LRP1B: variants seen among roughly 807,000 people sequenced by gnomAD.
LRP1B encodes the protein LDL receptor related protein 1B, also known as low-density lipoprotein receptor-related protein 1B.
Under a neutral mutation model 556.6 loss-of-function variants are expected in LRP1B, and 217 were observed. The observed-to-expected ratio is 0.39, with a 90% CI of 0.35 to 0.44. The LOEUF is 0.44. LRP1B is among the 20% of genes least tolerant of loss of function. The pLI is 1.00. For synonymous variants in LRP1B, 2,047 were observed against 1,865.8 expected, an observed-to-expected ratio of 1.10 and a Z score of -2.50; for missense variants, 5,053 against 5,620.8, an observed-to-expected ratio of 0.90 and a Z score of 3.23.
At position 140,393,876 on chromosome 2, in the gene LRP1B, G is replaced by A. The variant is rs905846109; in HGVS notation, c.10415-7867C>T. ...GATTAACCATCTCTTAACTATCAAA[G>A]CATGACCTTTTATAGAGAAGTCATT... On this transcript the variant is annotated intron_variant, in intron 66 of 90. Coordinates refer to ENST00000389484, the MANE Select transcript of LRP1B (RefSeq NM_018557.3). Among the ~76,000 whole-genome samples, 9 of 152,066 alleles carry A rather than the reference G, an allele frequency of 5.9e-5. 1 individual carries two copies. Among genetic ancestry groups the A allele is most frequent in the African/African-American group, 2.2e-4 (9 of 41,436 alleles).
chr2:140,766,457 A>C (rs2104927184), intron 35 of LRP1B, among the ~76,000 whole-genome samples: 1 of 152,202 alleles, frequency 6.6e-6, no homozygotes, highest in Middle Eastern at 3.4e-3. Flanking sequence ...AACACAAGTT[A>C]TGCAAAAAGG....
chr2:141,815,976 C>A (rs568040657), intron 1 of LRP1B, among the ~76,000 whole-genome samples: 1 of 152,090 alleles, frequency 6.6e-6, no homozygotes, highest in African/African-American at 2.4e-5. Flanking sequence ...GGAAAGGAAT[C>A]AACTAAGAAT....
chr2:140,492,583 C>T lies in LRP1B; in HGVS notation c.9120+25G>A, dbSNP rs202101689. 4.6e-4 allele frequency: 707 copies of T among 1,528,652 alleles called. 7 individuals are homozygous for T. The Admixed American group carries it at 0.011, about 23-fold the overall frequency. 94.7% of individuals were successfully genotyped at this position (1,528,652 alleles called of 1,614,324 possible). A position where few individuals can be genotyped will look rare whatever the true frequency, so the allele number is the denominator to read the frequency against. ...TACCTAGTGCACATGTTAAATGTTA[C>T]GGTGTCATCTTGGGAGTGTCATACC... On this transcript the variant is annotated intron_variant, in intron 57 of 90. Coordinates refer to ENST00000389484, the MANE Select transcript of LRP1B (RefSeq NM_018557.3).
At chr2:141,039,541 C>T (rs1698635903) in intron 11 of LRP1B, among the ~76,000 whole-genome samples, 1 of 151,972 alleles carries the variant, frequency 6.6e-6, no homozygotes, top group South Asian at 2.1e-4. Context: ...GTATTTTCAC[C>T]TTCTCTCTTT....
chr2:141,251,227 C>G (rs1203135214), intron 4 of LRP1B, among the ~76,000 whole-genome samples: 1 of 152,102 alleles, frequency 6.6e-6, no homozygotes, highest in Admixed American at 6.6e-5. Context: ...AAGCCTCTAA[C>G]AGTCCTTTGA....
intron 2 of LRP1B, among the ~76,000 whole-genome samples, chr2:141,499,693 A>G (rs1435040891): frequency 6.6e-6 from 1 of 152,092 alleles, no homozygotes; most frequent in Non-Finnish European, 1.5e-5. Flanking sequence ...ATGGAATATT[A>G]AAGTATGACA....
rs559433392 is a variant in LRP1B, at chr2:140,798,683, C to A, written c.5359+14974G>T. ...TGCCTTGTAGGATATTTACCAGCATCATATTGTCAACCTGCTAGATGACAG... is the reference window on the plus strand; with the variant it reads ...TGCCTTGTAGGATATTTACCAGCATAATATTGTCAACCTGCTAGATGACAG... On this transcript the variant is annotated intron_variant, in intron 32 of 90. Transcript: ENST00000389484. Among the ~76,000 whole-genome samples the A allele has an allele frequency of 1.2e-4, 18 of 152,304 alleles. No homozygotes were observed. In the South Asian group the frequency reaches 2.9e-3, roughly 25 times the overall value.
intron 41 of LRP1B, among the ~76,000 whole-genome samples, chr2:140,667,891 G>C (rs963159152): frequency 6.6e-6 from 1 of 152,122 alleles, no homozygotes; most frequent in Non-Finnish European, 1.5e-5. Context: ...ATCATACTGT[G>C]TTCTTTTGGG....
At chr2:142,089,533 G>A (rs940801534) in intron 1 of LRP1B, among the ~76,000 whole-genome samples, 2 of 152,256 alleles carry the variant, frequency 1.3e-5, no homozygotes, top group African/African-American at 4.8e-5. Flanking sequence ...ACACAAACAG[G>A]CCAGGTCTTA....
chr2:140,368,238 A>G (rs1401113), intron 71 of LRP1B, among the ~76,000 whole-genome samples: 4,286 of 151,926 alleles, frequency 0.028, 76 homozygotes, highest in African/African-American at 0.036. Flanking sequence ...AGCTCAACAG[A>G]AAATATTAGG....
intron 2 of LRP1B, among the ~76,000 whole-genome samples, chr2:141,600,494 A>G (rs187786116): frequency 1.1e-4 from 16 of 152,222 alleles, no homozygotes; most frequent in Admixed American, 1.0e-3. Flanking sequence ...GTGAGTGATG[A>G]TGCAGGTGAG....
Position 141,553,889 on chromosome 2 carries a change from T to C in LRP1B, c.206-73356A>G, listed in dbSNP as rs548580565. On this transcript the variant is annotated intron_variant, in intron 2 of 90. Transcript: ENST00000389484. ...TATCTATAATAATATAGTTATATAA[T>C]ATATCTATATTAATATAGTTATATA... is the stretch of plus-strand genomic sequence containing the variant. 3.9e-3 allele frequency among the ~76,000 whole-genome samples: 435 copies of C among 112,314 alleles called. 3 individuals are homozygous for C. The highest frequency in any genetic ancestry group is 0.01 in the South Asian group (34 of 3,310). 73.7% of individuals were successfully genotyped at this position (112,314 alleles called of 152,430 possible).
intron 1 of LRP1B, among the ~76,000 whole-genome samples, chr2:141,846,743 C>T (rs1043576278): frequency 1.3e-5 from 2 of 151,284 alleles, no homozygotes; most frequent in African/African-American, 4.8e-5. Flanking sequence ...CCATCACATT[C>T]TCACCCGGAA....
chr2:142,109,745 G>C lies in LRP1B; in HGVS notation c.82+20903C>G, dbSNP rs978008638. On this transcript the variant is annotated intron_variant, in intron 1 of 90. Transcript: ENST00000389484. ...TAAAATTACTGGTTTTAATTGCTTT[G>C]CATGAAACCAAAAGTGTAACATGTT... 2.0e-5 allele frequency among the ~76,000 whole-genome samples: 3 copies of C among 152,164 alleles called. No homozygotes were observed. The East Asian group carries it at 5.8e-4, about 29-fold the overall frequency.
intron 1 of LRP1B, among the ~76,000 whole-genome samples, chr2:142,086,003 C>T (rs1419090069): frequency 6.6e-6 from 1 of 152,126 alleles, no homozygotes; most frequent in Non-Finnish European, 1.5e-5. Flanking sequence ...CTTTAACCTA[C>T]TACAGGGTGA....
intron 2 of LRP1B, among the ~76,000 whole-genome samples, chr2:141,759,640 A>G (rs1277719787): frequency 2.6e-5 from 4 of 152,220 alleles, no homozygotes; most frequent in African/African-American, 9.6e-5. Context: ...TAGACGTACC[A>G]TGGGAAGTAT....
chr2:141,596,095 A>C (rs1407158047), intron 2 of LRP1B, among the ~76,000 whole-genome samples: 1 of 151,976 alleles, frequency 6.6e-6, no homozygotes, highest in East Asian at 1.9e-4. Context: ...ATACCAACAG[A>C]TATAGCGAAC....
intron 41 of LRP1B, among the ~76,000 whole-genome samples, chr2:140,615,028 T>C (rs1156312272): frequency 6.6e-6 from 1 of 152,130 alleles, no homozygotes; most frequent in African/African-American, 2.4e-5. Context: ...ACTAACTCCT[T>C]CCTTGCTTGG....
chr2:140,961,871 A>T (rs989381822), intron 18 of LRP1B, among the ~76,000 whole-genome samples: 1 of 152,194 alleles, frequency 6.6e-6, no homozygotes, highest in Non-Finnish European at 1.5e-5. Context: ...GCACTTAAAC[A>T]TACTACCTTA....
Sources: gnomAD v4.1 joint callset for allele counts (sites outside exome capture counted in the v4.1 genomes callset) on GRCh38, gnomAD v4.1.1 for gene constraint, MANE v1.5 for transcripts, NCBI Gene and HGNC (gene_info 2026-07-23, HGNC 2026-07-21) for gene names.